CDIN1: variants seen among roughly 807,000 people sequenced by gnomAD.
CDIN1 encodes CDAN1 interacting nuclease 1, also known as CDAN1-interacting nuclease 1.
In CDIN1, 33 loss-of-function variants were observed where a neutral mutation model predicts 45.3. That is an observed-to-expected ratio of 0.73 (90% CI 0.55 to 0.97). The LOEUF (loss-of-function observed/expected upper bound fraction) is 0.97. Among genes scored for constraint, CDIN1 ranks in the 50% least tolerant of loss-of-function variants. CDIN1 has a pLI of 0.00. For synonymous variants in CDIN1, 118 were observed against 124.4 expected, an observed-to-expected ratio of 0.95 and a Z score of 0.34; for missense variants, 303 against 339.4, an observed-to-expected ratio of 0.89 and a Z score of 0.84.
At chr15:36,657,616 T>G (rs996410027) in intron 4 of CDIN1, among the ~76,000 whole-genome samples, 1 of 152,152 alleles carries the variant, frequency 6.6e-6, no homozygotes, top group Non-Finnish European at 1.5e-5. Flanking sequence ...CAATGTTATA[T>G]TCAATAAATT....
At chr15:36,749,684 G>A (rs958646961) in intron 10 of CDIN1, among the ~76,000 whole-genome samples, 13 of 152,188 alleles carry the variant, frequency 8.5e-5, no homozygotes, top group African/African-American at 3.1e-4. Context: ...AAACAAAAAA[G>A]TACATCTGTG....
intron 10 of CDIN1, among the ~76,000 whole-genome samples, chr15:36,800,088 A>C (rs893280177): frequency 6.6e-6 from 1 of 152,276 alleles, no homozygotes; most frequent in South Asian, 2.1e-4. Context: ...TATACATTTA[A>C]ATTTTTGTTC....
intron 1 of CDIN1, among the ~76,000 whole-genome samples, chr15:36,637,924 C>T (rs536694014): frequency 1.1e-4 from 17 of 152,128 alleles, no homozygotes; most frequent in African/African-American, 4.1e-4. Context: ...TCAAGAAAAA[C>T]TAGGAAAGAT....
chr15:36,762,442 T>C (rs555287338), intron 10 of CDIN1, among the ~76,000 whole-genome samples: 1 of 152,312 alleles, frequency 6.6e-6, no homozygotes, highest in South Asian at 2.1e-4. Flanking sequence ...TATAGATGAC[T>C]TTTGCCGAGG....
At chr15:36,610,247 G>A (rs1333757247) in intron 1 of CDIN1, among the ~76,000 whole-genome samples, 1 of 152,186 alleles carries the variant, frequency 6.6e-6, no homozygotes, top group Non-Finnish European at 1.5e-5. Context: ...CTAAAGCAAG[G>A]GGCATGTAGG....
chr15:36,694,802 A>G (rs577599849), intron 7 of CDIN1, among the ~76,000 whole-genome samples: 17 of 152,344 alleles, frequency 1.1e-4, no homozygotes, highest in African/African-American at 3.4e-4. Context: ...CTGTACCATC[A>G]GAGACCTCAG....
chr15:36,714,104 T>G (rs1473814387), intron 10 of CDIN1, among the ~76,000 whole-genome samples: 1 of 152,192 alleles, frequency 6.6e-6, no homozygotes, highest in Admixed American at 6.6e-5. Context: ...CAATCAAATT[T>G]TTTTCTTTGA....
At chr15:36,675,705 A>G (rs1284786292) in intron 5 of CDIN1, among the ~76,000 whole-genome samples, 3 of 152,224 alleles carry the variant, frequency 2.0e-5, no homozygotes, top group South Asian at 2.1e-4. Context: ...TTTTAATTAT[A>G]TAGTACACTG....
At chr15:36,723,636 C>T (rs1408926124) in intron 10 of CDIN1, among the ~76,000 whole-genome samples, 1 of 152,190 alleles carries the variant, frequency 6.6e-6, no homozygotes, top group Admixed American at 6.5e-5. Flanking sequence ...GCACTCGTAG[C>T]TCACTGCAAC....
intron 5 of CDIN1, among the ~76,000 whole-genome samples, chr15:36,675,776 T>TTTAAA (rs1346760863): frequency 6.6e-6 from 1 of 152,154 alleles, no homozygotes; most frequent in African/African-American, 2.4e-5. Context: ...GAATAGCTCA[T>TTTAAA]TTGCTTGAGG....
chr15:36,610,800 A>G (rs1416512150), intron 1 of CDIN1, among the ~76,000 whole-genome samples: 2 of 152,204 alleles, frequency 1.3e-5, no homozygotes, highest in Non-Finnish European at 2.9e-5. Context: ...GCAATATTTA[A>G]TATTGGCAAT....
intron 10 of CDIN1, among the ~76,000 whole-genome samples, chr15:36,757,959 T>G (rs1204920949): frequency 1.3e-5 from 2 of 152,156 alleles, no homozygotes; most frequent in Non-Finnish European, 2.9e-5. Context: ...ATTGTCATAA[T>G]GGTTCTTTTT....
Position 36,657,816 on chromosome 15 carries a change from A to C in CDIN1, c.274-17A>C. ...CACAACTTGATAGTTTTAATTTTCT[A>C]CTTCTGTTTTATAAAGGTGGACTAT... On this transcript the variant is annotated splice_polypyrimidine_tract_variant and intron_variant, in intron 4 of 10. Coordinates refer to ENST00000566621, the MANE Select transcript of CDIN1 (RefSeq NM_001321759.2). 6.3e-7 allele frequency: 1 copy of C among 1,598,472 alleles called. No individual in the cohort carries two copies. The highest frequency in any genetic ancestry group is 8.5e-7 in the Non-Finnish European group (1 of 1,170,858).
chr15:36,746,408 G>C (rs753510159), intron 10 of CDIN1, among the ~76,000 whole-genome samples: 2 of 152,100 alleles, frequency 1.3e-5, no homozygotes, highest in Non-Finnish European at 2.9e-5. Context: ...GACATGTATT[G>C]TCCTCTTCTG....
intron 10 of CDIN1, among the ~76,000 whole-genome samples, chr15:36,711,356 C>T (rs1455772820): frequency 6.6e-6 from 1 of 152,158 alleles, no homozygotes; most frequent in Non-Finnish European, 1.5e-5. Flanking sequence ...CAAACCAAAT[C>T]CCAAATACTA....
chr15:36,605,246 C>A (rs968479033), intron 1 of CDIN1, among the ~76,000 whole-genome samples: 3 of 152,092 alleles, frequency 2.0e-5, no homozygotes. Flanking sequence ...ATTTGAGTAG[C>A]TTTGACCTAC....
intron 5 of CDIN1, among the ~76,000 whole-genome samples, chr15:36,680,215 G>C (rs537644673): frequency 6.6e-6 from 1 of 152,176 alleles, no homozygotes; most frequent in Non-Finnish European, 1.5e-5. Flanking sequence ...GTCCTTAGTA[G>C]TAGTTTAGGT....
At chr15:36,648,592 C>A (rs184099078) in intron 3 of CDIN1, 2 of 151,910 alleles carry the variant, frequency 1.3e-5, no homozygotes, top group Non-Finnish European at 2.9e-5. Context: ...CCACCACACT[C>A]GGCTAATTTT....
chr15:36,743,909 A>C (rs1421033763), intron 10 of CDIN1, among the ~76,000 whole-genome samples: 1 of 151,988 alleles, frequency 6.6e-6, no homozygotes, highest in African/African-American at 2.4e-5. Flanking sequence ...AAACCAAAAA[A>C]AAACACGAGG....
Sources: allele counts gnomAD v4.1 joint callset (sites outside exome capture counted in the v4.1 genomes callset), GRCh38; gene constraint gnomAD v4.1.1; transcripts MANE v1.5; gene names NCBI Gene and HGNC (gene_info 2026-07-23, HGNC 2026-07-21).